Variants in ICA1 observed in about 807,000 individuals in gnomAD.
ICA1 encodes the protein 69 kDa islet cell autoantigen.
In ICA1, 40 loss-of-function variants were observed where a neutral mutation model predicts 71.0. The ratio of observed to expected loss-of-function variants is 0.56; its 90% CI spans 0.44 to 0.73. The LOEUF (loss-of-function observed/expected upper bound fraction) is 0.73, where lower values mean the gene tolerates loss of function less well. Ranked by LOEUF, ICA1 falls within the 30% of genes least tolerant of loss-of-function variation. The pLI, the probability that ICA1 is intolerant of heterozygous loss-of-function variation, is 0.00. For synonymous variants in ICA1, 207 were observed against 209.5 expected (o/e 0.99, Z 0.10); for missense variants, 578 against 576.5 (o/e 1.00, Z -0.03).
At chr7:8,204,252 T>C (rs1448658884) in intron 6 of ICA1, among the ~76,000 whole-genome samples, 1 of 152,154 alleles carries the variant, frequency 6.6e-6, no homozygotes, top group Non-Finnish European at 1.5e-5. Flanking sequence ...CAAGGATCTG[T>C]TTATCGGATT....
intron 6 of ICA1, among the ~76,000 whole-genome samples, chr7:8,194,114 C>T (rs570655610): frequency 6.6e-6 from 1 of 152,172 alleles, no homozygotes; most frequent in Non-Finnish European, 1.5e-5. Context: ...GATGATATTT[C>T]ATGCCTGGAA....
At chr7:8,233,904 G>A (rs1022010273) in intron 2 of ICA1, among the ~76,000 whole-genome samples, 1 of 152,158 alleles carries the variant, frequency 6.6e-6, no homozygotes, top group Non-Finnish European at 1.5e-5. Context: ...ACAGTGAAGA[G>A]CAAATCAAAA....
chr7:8,217,864 AC>A (rs1295199696), intron 6 of ICA1, among the ~76,000 whole-genome samples: 1 of 152,146 alleles, frequency 6.6e-6, no homozygotes, highest in Admixed American at 6.6e-5. Context: ...CTGCAACTAA[AC>A]CCCACTGCTT....
intron 8 of ICA1, among the ~76,000 whole-genome samples, chr7:8,151,479 G>T (rs988414985): frequency 6.6e-6 from 1 of 152,138 alleles, no homozygotes; most frequent in Non-Finnish European, 1.5e-5. Flanking sequence ...AGCAGCTTGG[G>T]AAAAAAACAG....
rs1797520065 is a variant in ICA1 at position 8,222,795 on chromosome 7, T to C, written c.257-1397A>G. ...GTTCCTTTCTCTGTGAAGCAATTGA[T>C]CCCTATTTCTCCGGACAGCAGTGCT... On this transcript the variant is annotated intron_variant, in intron 4 of 13. Coordinates refer to ENST00000402384, the MANE Select transcript of ICA1 (RefSeq NM_001136020.3). This position sits in a 1 kb window ranked among gnomAD's most constrained non-coding sequence, Gnocchi z 4.8. 6.6e-6 allele frequency among the ~76,000 whole-genome samples: 1 copy of C among 152,168 alleles called. No individual in the cohort carries two copies. The highest frequency in any genetic ancestry group is 1.5e-5 in the Non-Finnish European group (1 of 68,026).
chr7:8,202,233 T>C (rs75739932), intron 6 of ICA1, among the ~76,000 whole-genome samples: 5,621 of 152,290 alleles, frequency 0.037, 125 homozygotes, highest in Middle Eastern at 0.082. Flanking sequence ...AATAAGGGGA[T>C]GCATGTGTCA....
intron 9 of ICA1, chr7:8,142,123 G>T: frequency 1.4e-6 from 1 of 740,018 alleles, no homozygotes; most frequent in Admixed American, 3.3e-5. Flanking sequence ...AGTAAAAATT[G>T]ATAGTTAAAA....
At chr7:8,146,857 T>TACACAC (rs112979260) in intron 8 of ICA1, among the ~76,000 whole-genome samples, 2 of 125,358 alleles carry the variant, frequency 1.6e-5, no homozygotes, top group Admixed American at 1.7e-4. Context: ...TTTATTCATG[T>TACACAC]ACACACACAC....
intron 3 of ICA1, among the ~76,000 whole-genome samples, chr7:8,229,840 A>G (rs1422320136): frequency 6.6e-6 from 1 of 152,256 alleles, no homozygotes; most frequent in Non-Finnish European, 1.5e-5. Context: ...GAAAATCAGC[A>G]GTCTGAATCT....
rs189769191 is a variant in ICA1, at chr7:8,177,900, T to C, written c.580-19248A>G. On this transcript the variant is annotated intron_variant, in intron 6 of 13. Transcript: ENST00000402384. Reference sequence around the variant, plus strand: ...GCTGTCACTGAATACCAAAGTGTGGTTGATATCGGTGTTCAGAAGCATCTC... The same window carrying C: ...GCTGTCACTGAATACCAAAGTGTGGCTGATATCGGTGTTCAGAAGCATCTC... Among the ~76,000 whole-genome samples, 718 of 152,266 alleles carry C rather than the reference T, an allele frequency of 4.7e-3. 1 individual carries two copies. Among genetic ancestry groups the C allele is most frequent in the Non-Finnish European group, 8.0e-3 (545 of 68,012 alleles).
intron 6 of ICA1, among the ~76,000 whole-genome samples, chr7:8,181,691 A>G (rs1562877092): frequency 6.6e-6 from 1 of 152,196 alleles, no homozygotes; most frequent in Non-Finnish European, 1.5e-5. Flanking sequence ...TGTCTGTGAT[A>G]AGATGTATTT....
At chr7:8,152,432 A>G (rs889745537) in intron 8 of ICA1, among the ~76,000 whole-genome samples, 1 of 151,912 alleles carries the variant, frequency 6.6e-6, no homozygotes, top group African/African-American at 2.4e-5. Flanking sequence ...TGGAGCCTTT[A>G]CCGTGGCTGT....
intron 13 of ICA1, among the ~76,000 whole-genome samples, chr7:8,124,845 G>A (rs1241277478): frequency 6.6e-6 from 1 of 151,642 alleles, no homozygotes; most frequent in African/African-American, 2.4e-5. Flanking sequence ...CTGGAGTGTA[G>A]TGGCGTGATC....
At chr7:8,137,200 G>C (rs1307108355) in intron 12 of ICA1, among the ~76,000 whole-genome samples, 1 of 152,082 alleles carries the variant, frequency 6.6e-6, no homozygotes, top group Non-Finnish European at 1.5e-5. Flanking sequence ...TTCTTTTACT[G>C]TGTATTTTTT....
rs1010182804 is a variant in ICA1 at position 8,113,262 on chromosome 7, T to C, written c.*661A>G. 2.6e-5 allele frequency: 4 copies of C among 151,520 alleles called. No homozygotes were observed. Among genetic ancestry groups the C allele is most frequent in the African/African-American group, 9.7e-5 (4 of 41,298 alleles). The allele number at this position is 151,520 out of a possible 1,614,324, so 9.4% of individuals were successfully genotyped here. A position where few individuals can be genotyped will look rare whatever the true frequency, so the allele number is the denominator to read the frequency against. ...CACAAGAGGCTTCAGAAATACATGC[T>C]TTTGAATTCCAGCCACGAAGAGGAC... On this transcript the variant is annotated 3_prime_UTR_variant, in exon 14 of 14. Coordinates refer to ENST00000402384, the MANE Select transcript of ICA1 (RefSeq NM_001136020.3). This position sits in a 1 kb window ranked among gnomAD's most constrained non-coding sequence, Gnocchi z 4.2.
At chr7:8,136,562 G>C (rs1345688259) in intron 12 of ICA1, among the ~76,000 whole-genome samples, 1 of 152,120 alleles carries the variant, frequency 6.6e-6, no homozygotes, top group Non-Finnish European at 1.5e-5. Flanking sequence ...CTACCCTGTG[G>C]GTTGACAACA....
chr7:8,210,392 C>T (rs553894750), intron 6 of ICA1, among the ~76,000 whole-genome samples: 177 of 152,208 alleles, frequency 1.2e-3, no homozygotes, highest in Non-Finnish European at 2.0e-3. Context: ...TTATTTTGCA[C>T]AAACGTAACT....
chr7:8,197,817 T>G (rs1788224545), intron 6 of ICA1, among the ~76,000 whole-genome samples: 1 of 151,902 alleles, frequency 6.6e-6, no homozygotes, highest in Non-Finnish European at 1.5e-5. Flanking sequence ...TAAATCCAAA[T>G]CTGGCAATGG....
Position 8,158,669 on chromosome 7 carries a change from G to A in ICA1, c.580-17C>T. On this transcript the variant is annotated splice_polypyrimidine_tract_variant and intron_variant, in intron 6 of 13. Coordinates refer to ENST00000402384, the MANE Select transcript of ICA1 (RefSeq NM_001136020.3). ...TGTTTGTACCTATGAAAATAAAGAG[G>A]AATTTCTGAATCACCCTAACCCTTA... The A allele has an allele frequency of 6.2e-7, 1 of 1,613,298 alleles. No homozygotes were observed. The highest frequency in any genetic ancestry group is 8.5e-7 in the Non-Finnish European group (1 of 1,179,704).
Sources: gnomAD v4.1 joint callset for allele counts (sites outside exome capture counted in the v4.1 genomes callset) on GRCh38, gnomAD v4.1.1 for gene constraint, Gnocchi (gnomAD v3.1) non-coding constraint, MANE v1.5 for transcripts, NCBI Gene and HGNC (gene_info 2026-07-23, HGNC 2026-07-21) for gene names.